The following COL28A1 variants were observed in gnomAD, a reference collection of about 807,000 sequenced individuals.
The protein encoded by COL28A1 is collagen alpha-1(XXVIII) chain.
COL28A1 carries 161 observed loss-of-function variants against 150.2 expected under a neutral mutation model. The ratio of observed to expected loss-of-function variants is 1.07; its 90% CI spans 0.94 to 1.22. The LOEUF is 1.22. Ranked by LOEUF, COL28A1 falls within the 50% of genes most tolerant of loss-of-function variation. The pLI, the probability that COL28A1 is intolerant of heterozygous loss-of-function variation, is 0.00. For synonymous variants in COL28A1, 552 were observed against 469.7 expected (o/e 1.18, Z -2.26); for missense variants, 1,617 against 1,388.3 (o/e 1.16, Z -2.62).
In COL28A1 at chr7:7,419,907, C is replaced by A. The variant is rs763142923; in HGVS notation, c.2045G>T (p.Gly682Val). ...CACCTTTGGCCCTTGGGTTCCTACG[C>A]CCCGAGGCCCAGAAGGACCTGGAGG... The part of the protein sequence containing the change: ...RGPPGPSGPR[G>V]VGTQGPKGDT... The change falls in exon 26 of 35, where the codon GGC becomes GTC. Residue 682 changes from glycine to valine, a missense_variant. By Grantham distance (109) the Gly-to-Val change is moderately radical. Transcript: ENST00000399429. 1 of 1,602,130 alleles carries A rather than the reference C, an allele frequency of 6.2e-7. No homozygotes were observed. The highest frequency in any genetic ancestry group is 1.7e-5 in the Admixed American group (1 of 58,098).
At chr7:7,440,296 T>C (rs1330564803) in intron 21 of COL28A1, among the ~76,000 whole-genome samples, 4 of 152,240 alleles carry the variant, frequency 2.6e-5, no homozygotes, top group Non-Finnish European at 5.9e-5. Context: ...TTAACTCTTT[T>C]AGTCTTCACA....
intron 25 of COL28A1, chr7:7,431,166 C>G (rs1236346983): frequency 1.3e-5 from 2 of 155,964 alleles, no homozygotes; most frequent in African/African-American, 4.8e-5. Flanking sequence ...CTCTAATGAC[C>G]TGGAAACATT....
intron 3 of COL28A1, among the ~76,000 whole-genome samples, chr7:7,525,522 G>T (rs1781975718): frequency 6.6e-6 from 1 of 152,160 alleles, no homozygotes; most frequent in East Asian, 1.9e-4. Context: ...TTCATCTGAA[G>T]GGGTAATTTA....
Position 7,453,496 on chromosome 7 carries a change from G to A in COL28A1, c.1384C>T (p.Pro462Ser). The A allele has an allele frequency of 8.8e-7, 1 of 1,135,672 alleles. No individual in the cohort carries two copies. Among genetic ancestry groups the A allele is most frequent in the Non-Finnish European group, 1.3e-6 (1 of 751,242 alleles). The allele number at this position is 1,135,672 out of a possible 1,614,324, so 70.3% of individuals were successfully genotyped here. A position where few individuals can be genotyped will look rare whatever the true frequency, so the allele number is the denominator to read the frequency against. Residue 462 changes from proline (P) to serine (S), a missense_variant, in exon 17 of 35, where the codon CCT becomes TCT. By Grantham distance (74) the Pro-to-Ser change is moderately conservative. Transcript: ENST00000399429. ...CCTTGTGGACCAGGTGGACCAATAG[G>A]ACCTTGGATTCCCTTTAAAATAAAA... ...GSQGEQGIQG[P>S]IGPPGPQGPA...
At chr7:7,510,986 A>C (rs964424258) in intron 9 of COL28A1, 105 bp downstream of exon 9, 8 of 863,252 alleles carry the variant, frequency 9.3e-6, no homozygotes, top group Non-Finnish European at 1.3e-5. Flanking sequence ...ATTGATTCCA[A>C]CTCTAGTAGT....
chr7:7,408,520 A>C (rs1489980075), intron 27 of COL28A1, among the ~76,000 whole-genome samples: 1 of 152,204 alleles, frequency 6.6e-6, no homozygotes, highest in Non-Finnish European at 1.5e-5. Flanking sequence ...TTTGTCACAG[A>C]GGATTGCAGT....
At position 7,489,381 on chromosome 7, in the gene COL28A1, C is replaced by A; in HGVS notation, c.1164+8G>T. 8.3e-7 allele frequency: 1 copy of A among 1,206,750 alleles called. No individual in the cohort carries two copies. Among genetic ancestry groups the A allele is most frequent in the Non-Finnish European group, 1.2e-6 (1 of 807,246 alleles). The allele number at this position is 1,206,750 out of a possible 1,614,324, so 74.8% of individuals were successfully genotyped here. A position where few individuals can be genotyped will look rare whatever the true frequency, so the allele number is the denominator to read the frequency against. ...CTTTTCATTCCATCTAGAATTTTTG[C>A]TACTTACTGGCTGTCCAGGCTCACC... On this transcript the variant is annotated splice_region_variant and intron_variant, in intron 13 of 34. Coordinates refer to ENST00000399429, the MANE Select transcript of COL28A1 (RefSeq NM_001037763.3).
At chr7:7,367,675 C>G (rs1781006249) in intron 33 of COL28A1, among the ~76,000 whole-genome samples, 1 of 152,106 alleles carries the variant, frequency 6.6e-6, no homozygotes, top group Non-Finnish European at 1.5e-5. Flanking sequence ...TGTCATTTGT[C>G]TCTCAAGGCC....
At position 7,394,967 on chromosome 7, in the gene COL28A1, C is replaced by A. The variant is rs149702123; in HGVS notation, c.2137-13355G>T. Among the ~76,000 whole-genome samples, 271 of 152,214 alleles carry A rather than the reference C, an allele frequency of 1.8e-3. 1 individual carries two copies. The highest frequency in any genetic ancestry group is 5.7e-3 in the African/African-American group (238 of 41,544). ...CTTGGATTTCGGCACTTGCTCATTG[C>A]CTCAGACTGAAATGTGGAAGTTGAG... On this transcript the variant is annotated intron_variant, in intron 27 of 34. Transcript: ENST00000399429.
At position 7,360,542 on chromosome 7, in the gene COL28A1, T is replaced by C; in HGVS notation, c.3067-14A>G. Reference sequence around the variant, plus strand: ...GGTGACACTCAACTACACAAAAATATTCACATTTTGTGTTTCTGATAATAT... The same window carrying C: ...GGTGACACTCAACTACACAAAAATACTCACATTTTGTGTTTCTGATAATAT... On this transcript the variant is annotated splice_polypyrimidine_tract_variant and intron_variant, in intron 33 of 34. Coordinates refer to ENST00000399429, the MANE Select transcript of COL28A1 (RefSeq NM_001037763.3). The C allele has an allele frequency of 6.3e-7, 1 of 1,590,564 alleles. No homozygotes were observed. Among genetic ancestry groups the C allele is most frequent in the Non-Finnish European group, 8.5e-7 (1 of 1,172,870 alleles).
intron 27 of COL28A1, among the ~76,000 whole-genome samples, chr7:7,411,671 C>T (rs1018060553): frequency 9.9e-5 from 15 of 152,164 alleles, no homozygotes; most frequent in African/African-American, 3.1e-4. Context: ...CTTTCCTGGT[C>T]CTACCAAAAA....
At chr7:7,450,946 CAAAA>C (rs1012827692) in intron 18 of COL28A1, among the ~76,000 whole-genome samples, 10 of 151,556 alleles carry the variant, frequency 6.6e-5, no homozygotes, top group African/African-American at 2.2e-4. Flanking sequence ...TTTAAGGACA[CAAAA>C]AAAGTGATAT....
chr7:7,359,920 T>G (rs1780555302), intron 34 of COL28A1, among the ~76,000 whole-genome samples: 1 of 152,198 alleles, frequency 6.6e-6, no homozygotes, highest in African/African-American at 2.4e-5. Flanking sequence ...GCAGAAAATA[T>G]GTACATAATA....
chr7:7,521,936 T>C lies in COL28A1; in HGVS notation c.728A>G (p.Glu243Gly), dbSNP rs915752053. The C allele has an allele frequency of 8.6e-7, 1 of 1,156,186 alleles. No homozygotes were observed. 71.6% of individuals were successfully genotyped at this position (1,156,186 alleles called of 1,614,324 possible). The change falls in exon 5 of 35, where the codon GAG becomes GGG. Residue 243 changes from glutamate to glycine, a missense_variant. Glu to Gly is a moderately conservative substitution (Grantham distance 98). Transcript: ENST00000399429. ...KKCERKICEC[E>G]KGDPGDPGPP... Reference sequence around the variant, plus strand: ...CCCTGGATCACCTGGATCTCCCTTCTCACATTCACAAATCTTGCGTTCACA... The same window carrying C: ...CCCTGGATCACCTGGATCTCCCTTCCCACATTCACAAATCTTGCGTTCACA...
At chr7:7,403,445 AT>A (rs368299913) in intron 27 of COL28A1, among the ~76,000 whole-genome samples, 199 of 152,298 alleles carry the variant, frequency 1.3e-3, no homozygotes, top group African/African-American at 4.5e-3. Context: ...TTTTTAAATT[AT>A]AAGATGGATT....
chr7:7,376,195 G>A (rs1781533134), intron 30 of COL28A1, among the ~76,000 whole-genome samples: 1 of 151,468 alleles, frequency 6.6e-6, no homozygotes, highest in African/African-American at 2.4e-5. Flanking sequence ...AATGAGACTA[G>A]AGAAGGCAGG....
intron 33 of COL28A1, among the ~76,000 whole-genome samples, chr7:7,369,196 A>C (rs1781091523): frequency 6.6e-6 from 1 of 152,180 alleles, no homozygotes; most frequent in African/African-American, 2.4e-5. Flanking sequence ...TAAGTCACAC[A>C]AACAGGAGAG....
intron 13 of COL28A1, among the ~76,000 whole-genome samples, 162 bp from the exon 14 acceptor site, chr7:7,477,342 T>A (rs1291850357): frequency 1.3e-5 from 2 of 152,262 alleles, no homozygotes; most frequent in African/African-American, 4.8e-5. Context: ...AGGCTTTTTC[T>A]ACTTTATTAG....
At chr7:7,463,860 C>T (rs1409744928) in intron 15 of COL28A1, among the ~76,000 whole-genome samples, 1 of 152,144 alleles carries the variant, frequency 6.6e-6, no homozygotes, top group African/African-American at 2.4e-5. Context: ...ACTTAAAATA[C>T]ATAGAATTGC....
Sources: gnomAD v4.1 joint callset for allele counts (sites outside exome capture counted in the v4.1 genomes callset) on GRCh38, gnomAD v4.1.1 for gene constraint, MANE v1.5 for transcripts, NCBI Gene and HGNC (gene_info 2026-07-23, HGNC 2026-07-21) for gene names.